COPG2: variants seen among roughly 807,000 people sequenced by gnomAD.
COPG2 encodes coat protein complex I subunit gamma 2, also known as coatomer subunit gamma-2.
COPG2 carries 37 observed loss-of-function variants against 46.3 expected under a neutral mutation model. The observed-to-expected ratio is 0.80, with a 90% CI of 0.61 to 1.05. COPG2 has a LOEUF of 1.05. Ranked by LOEUF, COPG2 falls within the 50% of genes least tolerant of loss-of-function variation. The pLI is 0.00. For synonymous variants in COPG2, 159 were observed against 129.7 expected (o/e 1.23, Z -1.53); for missense variants, 427 against 387.8 (o/e 1.10, Z -0.85).
chr7:130,539,376 G>A (rs1377073878), intron 20 of COPG2, among the ~76,000 whole-genome samples: 3 of 152,202 alleles, frequency 2.0e-5, no homozygotes, highest in African/African-American at 7.2e-5. Context: ...AGTGGAAGAG[G>A]GGAAGGAAAA....
intron 18 of COPG2, 92 bp downstream of exon 18, chr7:130,549,222 A>G: frequency 2.5e-6 from 1 of 397,946 alleles, no homozygotes; most frequent in Non-Finnish European, 4.4e-6. Flanking sequence ...TCCTATATTG[A>G]GAACCGATCA....
chr7:130,577,787 A>G (rs1227664210), intron 9 of COPG2, among the ~76,000 whole-genome samples: 4 of 150,656 alleles, frequency 2.7e-5, no homozygotes, highest in Non-Finnish European at 4.4e-5. Flanking sequence ...AAAAAAAAAA[A>G]ACAAAAAAAA....
In COPG2 at chr7:130,652,860, T is replaced by C. The variant is rs782731996; in HGVS notation, c.323+9A>G. 13 of 1,573,450 alleles carry C rather than the reference T, an allele frequency of 8.3e-6. No homozygotes were observed. The highest frequency in any genetic ancestry group is 1.7e-5 in the Admixed American group (1 of 58,014). On this transcript the variant is annotated intron_variant, in intron 5 of 23. Transcript: ENST00000425248. Reference sequence around the variant, plus strand: ...AGTATCTCATCCTAGATTTTGACCATTTACATACCTGCTTGTGACAATTAT... The same window carrying C: ...AGTATCTCATCCTAGATTTTGACCACTTACATACCTGCTTGTGACAATTAT...
At position 130,666,880 on chromosome 7, in the gene COPG2, A is replaced by G; in HGVS notation, c.140T>C (p.Ile47Thr). 1 of 1,563,528 alleles carries G rather than the reference A, an allele frequency of 6.4e-7. No individual in the cohort carries two copies. The highest frequency in any genetic ancestry group is 8.7e-7 in the Non-Finnish European group (1 of 1,143,260). Residue 47 changes from isoleucine to threonine, a missense_variant, in exon 3 of 24, where the codon ATT (isoleucine) becomes ACT (threonine). Physicochemically the swap from Ile to Thr is moderately conservative, Grantham distance 89. Coordinates refer to ENST00000425248, the MANE Select transcript of COPG2 (RefSeq NM_012133.6). ...TPINPRRCLH[I>T]LTKILYLLNQ... ...CAGTAAGTAAAGAATCTTTGTAAGA[A>G]TATGCAAACATCTTCTTGGATTGAT...
intron 9 of COPG2, among the ~76,000 whole-genome samples, chr7:130,598,177 A>T (rs929481477): frequency 6.6e-6 from 1 of 151,772 alleles, no homozygotes; most frequent in Admixed American, 6.6e-5. Context: ...CTGCACACTG[A>T]CTCTCAATAT....
chr7:130,531,831 T>A, intron 20 of COPG2, among the ~76,000 whole-genome samples: 1 of 133,412 alleles, frequency 7.5e-6, no homozygotes, highest in East Asian at 2.5e-4. Context: ...GTGATTCTTA[T>A]CTGGGATGGG....
chr7:130,658,684 G>A (rs1554460214), intron 4 of COPG2, among the ~76,000 whole-genome samples: 2 of 151,802 alleles, frequency 1.3e-5, no homozygotes, highest in African/African-American at 4.8e-5. Context: ...ATGACAACCT[G>A]ATTTTTTTTT....
At chr7:130,574,483 T>C (rs1197581880) in intron 9 of COPG2, among the ~76,000 whole-genome samples, 7 of 152,004 alleles carry the variant, frequency 4.6e-5, no homozygotes, top group Non-Finnish European at 1.0e-4. Flanking sequence ...GCCACGTCCA[T>C]AGGAAAAGGG....
intron 9 of COPG2, among the ~76,000 whole-genome samples, chr7:130,574,563 T>C (rs781871976): frequency 2.0e-5 from 3 of 152,102 alleles, no homozygotes; most frequent in African/African-American, 7.2e-5. Context: ...CGCCTAGACC[T>C]TCCCTCTGAC....
chr7:130,646,980 T>TGC (rs1795615105), intron 5 of COPG2, among the ~76,000 whole-genome samples: 133 of 928 alleles, frequency 0.14, 1 homozygote, highest in African/African-American at 0.19. Flanking sequence ...TGTATATATA[T>TGC]ATGTATATAT....
intron 20 of COPG2, among the ~76,000 whole-genome samples, chr7:130,528,577 G>A (rs1172909230): frequency 2.6e-5 from 4 of 152,058 alleles, no homozygotes; most frequent in Non-Finnish European, 5.9e-5. Context: ...AGAGAATGCA[G>A]GAGGGTGCAG....
chr7:130,650,479 AT>A (rs1795714581), intron 5 of COPG2, among the ~76,000 whole-genome samples: 1 of 152,202 alleles, frequency 6.6e-6, no homozygotes, highest in Admixed American at 6.5e-5. Context: ...CAACTAATTT[AT>A]TTTAAAATTT....
intron 9 of COPG2, among the ~76,000 whole-genome samples, chr7:130,576,479 C>T (rs1794000611): frequency 6.6e-6 from 1 of 152,156 alleles, no homozygotes; most frequent in African/African-American, 2.4e-5. Context: ...ATTGGGTCAA[C>T]ATGAAATCAA....
At chr7:130,574,539 G>C (rs1793971116) in intron 9 of COPG2, among the ~76,000 whole-genome samples, 1 of 152,132 alleles carries the variant, frequency 6.6e-6, no homozygotes, top group Non-Finnish European at 1.5e-5. Flanking sequence ...AAAAGAATCA[G>C]AACAACAGAC....
At chr7:130,637,395 C>T (rs561584160) in intron 5 of COPG2, among the ~76,000 whole-genome samples, 1 of 152,158 alleles carries the variant, frequency 6.6e-6, no homozygotes, top group African/African-American at 2.4e-5. Flanking sequence ...GACATAGTCC[C>T]ATATTTCTTG....
In COPG2 at chr7:130,553,542, A is replaced by G. The variant is rs952593956; in HGVS notation, c.1468+939T>C. On this transcript the variant is annotated intron_variant, in intron 14 of 23. Transcript: ENST00000425248. ...CTGTAAGGCAGCAGAACAAGATTCT[A>G]TCTTGATAACTGAGTGGATGATGAA... Among the ~76,000 whole-genome samples, 62 of 152,352 alleles carry G rather than the reference A, an allele frequency of 4.1e-4. 1 individual carries two copies. In the South Asian group the frequency reaches 0.013, roughly 32 times the overall value.
intron 20 of COPG2, among the ~76,000 whole-genome samples, chr7:130,532,555 G>A (rs1799838613): frequency 1.3e-5 from 2 of 152,070 alleles, no homozygotes; most frequent in Admixed American, 1.3e-4. Flanking sequence ...GTGCATTTGT[G>A]TGGATGTGAG....
chr7:130,618,924 G>T (rs1171251497), intron 5 of COPG2, among the ~76,000 whole-genome samples: 1 of 151,912 alleles, frequency 6.6e-6, no homozygotes, highest in East Asian at 1.9e-4. Flanking sequence ...TTTCAGTAGT[G>T]TTTGCCTTAT....
chr7:130,513,302 A>ATATAT (rs1437216155), intron 20 of COPG2, among the ~76,000 whole-genome samples: 1 of 38,286 alleles, frequency 2.6e-5, no homozygotes, highest in African/African-American at 1.2e-4. Context: ...AAAAAAAAAA[A>ATATAT]AAAAAAATAT....
Sources: allele counts gnomAD v4.1 joint callset (sites outside exome capture counted in the v4.1 genomes callset), GRCh38; gene constraint gnomAD v4.1.1; transcripts MANE v1.5; gene names NCBI Gene and HGNC (gene_info 2026-07-23, HGNC 2026-07-21).